IFT43: variants seen among roughly 807,000 people sequenced by gnomAD.
IFT43 encodes the protein intraflagellar transport protein 43 homolog.
IFT43 carries 33 observed loss-of-function variants against 32.3 expected under a neutral mutation model. The ratio of observed to expected loss-of-function variants is 1.02; its 90% CI spans 0.77 to 1.37. IFT43 has a LOEUF of 1.37. IFT43 is among the 40% of genes most tolerant of loss of function. The pLI, the probability that IFT43 is intolerant of heterozygous loss-of-function variation, is 0.00. For missense variants in IFT43, 274 were observed against 265.9 expected, an observed-to-expected ratio of 1.03 and a Z score of -0.21; for synonymous variants, 93 against 98.2, an observed-to-expected ratio of 0.95 and a Z score of 0.31.
At chr14:76,015,055 A>G (rs1246479675) in intron 2 of IFT43, among the ~76,000 whole-genome samples, 3 of 152,242 alleles carry the variant, frequency 2.0e-5, no homozygotes, top group East Asian at 1.9e-4. Flanking sequence ...TACTTTTTCT[A>G]TTGCACCTAG....
At chr14:76,006,855 A>ATTTTTT (rs35845700) in intron 2 of IFT43, among the ~76,000 whole-genome samples, 1 of 124,430 alleles carries the variant, frequency 8.0e-6, no homozygotes, top group Non-Finnish European at 1.7e-5. Flanking sequence ...TACTGGGGAC[A>ATTTTTT]TTTTTTTTTT....
At chr14:76,059,660 G>A (rs903366811) in intron 5 of IFT43, 3 of 455,342 alleles carry the variant, frequency 6.6e-6, no homozygotes, top group Admixed American at 3.4e-5. Flanking sequence ...CTCACTGGAT[G>A]TTCTTTCTCC....
intron 5 of IFT43, among the ~76,000 whole-genome samples, chr14:76,062,854 T>C (rs1594856363): frequency 7.4e-6 from 1 of 134,826 alleles, no homozygotes; most frequent in African/African-American, 2.8e-5. Flanking sequence ...GAGGCAGAGG[T>C]TGCAGTGAGG....
chr14:76,076,261 C>T (rs1210751545), intron 5 of IFT43, among the ~76,000 whole-genome samples: 3 of 152,180 alleles, frequency 2.0e-5, no homozygotes, highest in African/African-American at 7.2e-5. Context: ...CTAAGCCAAC[C>T]GTTTGTATCA....
At chr14:76,048,595 A>T (rs1594844679) in intron 3 of IFT43, among the ~76,000 whole-genome samples, 1 of 152,378 alleles carries the variant, frequency 6.6e-6, no homozygotes, top group East Asian at 1.9e-4. Context: ...GGTTGGGCAC[A>T]CATAGGTATA....
intron 2 of IFT43, among the ~76,000 whole-genome samples, chr14:76,001,909 C>T (rs1391218040): frequency 6.6e-6 from 1 of 152,152 alleles, no homozygotes; most frequent in Non-Finnish European, 1.5e-5. Context: ...GGCATTAATC[C>T]ATTCATGAGG....
At chr14:76,072,960 G>A (rs1345180054) in intron 5 of IFT43, among the ~76,000 whole-genome samples, 1 of 152,208 alleles carries the variant, frequency 6.6e-6, no homozygotes, top group African/African-American at 2.4e-5. Context: ...TGTGACAGGA[G>A]CGGGTGAATG....
At chr14:76,059,713 T>A (rs1323233749) in intron 5 of IFT43, 1 of 375,360 alleles carries the variant, frequency 2.7e-6, no homozygotes, top group African/African-American at 2.1e-5. Context: ...TGTAATAACA[T>A]GGCCAATATT....
intron 3 of IFT43, among the ~76,000 whole-genome samples, chr14:76,023,748 G>C (rs2036338728): frequency 1.3e-5 from 2 of 152,192 alleles, no homozygotes; most frequent in African/African-American, 4.8e-5. Flanking sequence ...TGAAGGGTCG[G>C]TTTGGGAGAA....
At chr14:76,058,279 A>T (rs1291665606) in intron 3 of IFT43, 1 of 291,858 alleles carries the variant, frequency 3.4e-6, no homozygotes. Flanking sequence ...TAACAACACC[A>T]AATAAGACCC....
intron 3 of IFT43, among the ~76,000 whole-genome samples, chr14:76,036,831 C>T (rs1483422061): frequency 3.9e-5 from 6 of 151,990 alleles, no homozygotes; most frequent in Non-Finnish European, 7.4e-5. Flanking sequence ...TCCCTCCCTC[C>T]CTCCTTCTTT....
intron 2 of IFT43, among the ~76,000 whole-genome samples, chr14:76,005,689 C>T (rs1403498875): frequency 6.6e-6 from 1 of 152,190 alleles, no homozygotes; most frequent in Non-Finnish European, 1.5e-5. Context: ...CAGCTTTCTG[C>T]TGGAGTTCCA....
intron 3 of IFT43, among the ~76,000 whole-genome samples, chr14:76,039,315 T>C (rs7153284): frequency 0.84 from 127,725 of 152,044 alleles, 53,777 homozygotes; most frequent in Non-Finnish European, 0.87. Context: ...TGTGCCACCA[T>C]ACTCGCCACG....
intron 1 of IFT43, chr14:75,986,263 G>A: frequency 7.8e-7 from 1 of 1,281,570 alleles, no homozygotes; most frequent in Non-Finnish European, 1.0e-6. Context: ...AAGCCGCACT[G>A]TTTTATGCAT....
intron 2 of IFT43, among the ~76,000 whole-genome samples, chr14:75,991,784 C>A (rs2035648864): frequency 6.6e-6 from 1 of 152,198 alleles, no homozygotes; most frequent in African/African-American, 2.4e-5. Context: ...TTCTGCTCTT[C>A]ACCCAACTGT....
intron 2 of IFT43, among the ~76,000 whole-genome samples, chr14:76,008,085 A>C (rs1258188391): frequency 3.3e-5 from 5 of 152,198 alleles, no homozygotes; most frequent in African/African-American, 1.2e-4. Flanking sequence ...ACATTTGGGA[A>C]GTGCGACACC....
intron 2 of IFT43, among the ~76,000 whole-genome samples, chr14:76,021,099 A>G (rs2036281876): frequency 6.6e-6 from 1 of 152,042 alleles, no homozygotes; most frequent in Non-Finnish European, 1.5e-5. Context: ...GGGTGGATCC[A>G]TCCTATGCCC....
At chr14:76,060,156 C>T (rs1451197218) in intron 5 of IFT43, among the ~76,000 whole-genome samples, 1 of 152,158 alleles carries the variant, frequency 6.6e-6, no homozygotes, top group African/African-American at 2.4e-5. Flanking sequence ...TTGTGTGTGT[C>T]TCTAAAATGA....
downstream of IFT43, chr14:76,083,863 T>C: frequency 1.8e-6 from 1 of 564,266 alleles, no homozygotes; most frequent in East Asian, 4.1e-5. Flanking sequence ...TGTGGGAGAG[T>C]TCGATTCAGG....
Sources: gnomAD v4.1 joint callset for allele counts (sites outside exome capture counted in the v4.1 genomes callset) on GRCh38, gnomAD v4.1.1 for gene constraint, MANE v1.5 for transcripts, NCBI Gene and HGNC (gene_info 2026-07-23, HGNC 2026-07-21) for gene names.